LRP1B: variants seen among roughly 807,000 people sequenced by gnomAD.
LRP1B encodes the protein low-density lipoprotein receptor-related protein 1B.
Under a neutral mutation model 556.6 loss-of-function variants are expected in LRP1B, and 217 were observed. The observed-to-expected ratio is 0.39, with a 90% CI of 0.35 to 0.44. The LOEUF (loss-of-function observed/expected upper bound fraction) is 0.44. Ranked by LOEUF, LRP1B falls within the 20% of genes least tolerant of loss-of-function variation. LRP1B has a pLI of 1.00. For missense variants in LRP1B, 5,053 were observed against 5,620.8 expected, an observed-to-expected ratio of 0.90 and a Z score of 3.23; for synonymous variants, 2,047 against 1,865.8, an observed-to-expected ratio of 1.10 and a Z score of -2.50.
Position 140,231,919 on chromosome 2 carries a change from T to C in LRP1B, c.*1267A>G, listed in dbSNP as rs1245826731. On this transcript the variant is annotated 3_prime_UTR_variant, in exon 91 of 91. Coordinates refer to ENST00000389484, the MANE Select transcript of LRP1B (RefSeq NM_018557.3). ...TAAAAATGCTATCCTTTTATTTTTA[T>C]ATACAACTTAAATAAATCGCACTCG... 2 of 151,812 alleles carry C rather than the reference T, an allele frequency of 1.3e-5. No individual in the cohort carries two copies. The highest frequency in any genetic ancestry group is 4.8e-5 in the African/African-American group (2 of 41,356). 9.4% of individuals were successfully genotyped at this position (151,812 alleles called of 1,614,324 possible).
intron 7 of LRP1B, among the ~76,000 whole-genome samples, chr2:141,153,682 C>G (rs1453352830): frequency 6.8e-6 from 1 of 146,446 alleles, no homozygotes; most frequent in African/African-American, 2.5e-5. Context: ...GCGCAGTAAA[C>G]TACCCTGTAC....
intron 47 of LRP1B, 21 bp downstream of exon 47, chr2:140,534,000 A>G (rs1180249842): frequency 1.9e-6 from 3 of 1,612,222 alleles, no homozygotes; most frequent in Non-Finnish European, 2.5e-6. Context: ...ATATTCTGAG[A>G]TTGATGGAAC....
chr2:141,571,342 A>C (rs1416585529), intron 2 of LRP1B, among the ~76,000 whole-genome samples: 1 of 150,176 alleles, frequency 6.7e-6, no homozygotes, highest in Non-Finnish European at 1.5e-5. Context: ...TATTGAAAGA[A>C]AAACAAACAA....
intron 31 of LRP1B, among the ~76,000 whole-genome samples, chr2:140,818,990 T>A (rs890560268): frequency 2.0e-5 from 3 of 151,752 alleles, no homozygotes; most frequent in Admixed American, 2.0e-4. Flanking sequence ...CCAAGCACTT[T>A]GTCTTTGTCT....
Position 141,856,526 on chromosome 2 carries a change from G to C in LRP1B, c.83-46125C>G, listed in dbSNP as rs114862726. On this transcript the variant is annotated intron_variant, in intron 1 of 90. Coordinates refer to ENST00000389484, the MANE Select transcript of LRP1B (RefSeq NM_018557.3). ...AGATCACTCCCCAGCTGCTACTTCT[G>C]AAAGCTAAACACAAATTCTTTAGCC... is the stretch of plus-strand genomic sequence containing the variant. Among the ~76,000 whole-genome samples the C allele has an allele frequency of 7.9e-3, 1,202 of 152,212 alleles. 22 individuals carry two copies. Among genetic ancestry groups the C allele is most frequent in the African/African-American group, 0.028 (1,143 of 41,540 alleles).
rs541716714 is a variant in LRP1B, at chr2:141,204,847, G to C, written c.851-16264C>G. ...AACTATTTGGGAGGCTGAGGCAGGA[G>C]AATCTCTTGAACCCAAGAGGTGGGG... On this transcript the variant is annotated intron_variant, in intron 6 of 90. Coordinates refer to ENST00000389484, the MANE Select transcript of LRP1B (RefSeq NM_018557.3). Among the ~76,000 whole-genome samples the C allele has an allele frequency of 1.2e-4, 19 of 152,120 alleles. 1 individual carries two copies. The East Asian group carries it at 3.3e-3, about 26-fold the overall frequency.
intron 2 of LRP1B, among the ~76,000 whole-genome samples, chr2:141,792,419 C>A (rs1357517713): frequency 2.6e-5 from 4 of 151,864 alleles, no homozygotes; most frequent in Non-Finnish European, 5.9e-5. Context: ...CTCTTGTGGA[C>A]CCTGCATTTA....
In LRP1B at chr2:140,554,472, C is replaced by G. The variant is rs1047699710; in HGVS notation, c.7195-12501G>C. 8.5e-5 allele frequency among the ~76,000 whole-genome samples: 13 copies of G among 152,086 alleles called. 1 individual carries two copies. In the South Asian group the frequency reaches 1.7e-3, roughly 19 times the overall value. Reference sequence around the variant, plus strand: ...AATATATATTTTTAGTGAGTTCCTTCTACTTTGAATTCCTTTCAGACACAT... The same window carrying G: ...AATATATATTTTTAGTGAGTTCCTTGTACTTTGAATTCCTTTCAGACACAT... On this transcript the variant is annotated intron_variant, in intron 43 of 90. Coordinates refer to ENST00000389484, the MANE Select transcript of LRP1B (RefSeq NM_018557.3).
At chr2:141,699,673 G>A (rs1691866260) in intron 2 of LRP1B, among the ~76,000 whole-genome samples, 1 of 151,314 alleles carries the variant, frequency 6.6e-6, no homozygotes, top group African/African-American at 2.4e-5. Flanking sequence ...TTCTATTTTA[G>A]AGATATTATA....
chr2:140,744,243 G>T (rs1688246255), intron 35 of LRP1B, among the ~76,000 whole-genome samples: 2 of 151,884 alleles, frequency 1.3e-5, no homozygotes, highest in African/African-American at 4.8e-5. Context: ...ATATACCATT[G>T]CATTGTATAC....
chr2:141,911,175 G>C (rs1699899029), intron 1 of LRP1B, among the ~76,000 whole-genome samples: 1 of 151,980 alleles, frequency 6.6e-6, no homozygotes, highest in Non-Finnish European at 1.5e-5. Context: ...TAGATTGGTT[G>C]GCTTAAAACC....
At chr2:140,705,442 G>A (rs762500262) in intron 37 of LRP1B, among the ~76,000 whole-genome samples, 2 of 143,228 alleles carry the variant, frequency 1.4e-5, no homozygotes, top group African/African-American at 5.2e-5. Flanking sequence ...GAGAATCACT[G>A]GAACCCGGGA....
At chr2:141,507,685 T>C (rs538585853) in intron 2 of LRP1B, among the ~76,000 whole-genome samples, 1 of 151,970 alleles carries the variant, frequency 6.6e-6, no homozygotes, top group South Asian at 2.1e-4. Flanking sequence ...TATTTTGAAA[T>C]GTTAGCTGTA....
intron 2 of LRP1B, among the ~76,000 whole-genome samples, chr2:141,758,535 CAT>C (rs1361264267): frequency 6.6e-6 from 1 of 151,848 alleles, no homozygotes; most frequent in Non-Finnish European, 1.5e-5. Flanking sequence ...TGGGATAAAA[CAT>C]AGGAAATTAA....
chr2:140,625,033 G>C (rs524037), intron 41 of LRP1B, among the ~76,000 whole-genome samples: 13,093 of 152,176 alleles, frequency 0.086, 840 homozygotes, highest in African/African-American at 0.17. Flanking sequence ...AATAGGAGCA[G>C]AGAAAGGAGG....
At chr2:141,243,602 T>G (rs1683960513) in intron 5 of LRP1B, among the ~76,000 whole-genome samples, 1 of 152,194 alleles carries the variant, frequency 6.6e-6, no homozygotes, top group Non-Finnish European at 1.5e-5. Flanking sequence ...AAAAAACTAT[T>G]CAACTATGCA....
intron 3 of LRP1B, among the ~76,000 whole-genome samples, chr2:141,435,878 G>A (rs1680745929): frequency 6.6e-6 from 1 of 152,162 alleles, no homozygotes; most frequent in African/African-American, 2.4e-5. Context: ...CATGGGCCTG[G>A]GTGGGAGGAG....
chr2:140,565,653 C>CA (rs1489652386), intron 43 of LRP1B, among the ~76,000 whole-genome samples: 4 of 151,954 alleles, frequency 2.6e-5, no homozygotes, highest in African/African-American at 7.3e-5. Flanking sequence ...CAAAAACAGC[C>CA]AAAACAACAA....
At chr2:142,094,708 C>A (rs952107347) in intron 1 of LRP1B, among the ~76,000 whole-genome samples, 5 of 151,796 alleles carry the variant, frequency 3.3e-5, no homozygotes, top group Non-Finnish European at 7.4e-5. Flanking sequence ...AAATAATTCA[C>A]TTCTCTAGGT....
Sources: gnomAD v4.1 joint callset for allele counts (sites outside exome capture counted in the v4.1 genomes callset) on GRCh38, gnomAD v4.1.1 for gene constraint, MANE v1.5 for transcripts, NCBI Gene and HGNC (gene_info 2026-07-23, HGNC 2026-07-21) for gene names.